PTBP2: variants seen among roughly 807,000 people sequenced by gnomAD.
PTBP2 encodes polypyrimidine tract-binding protein 2.
In PTBP2, 13 loss-of-function variants were observed where a neutral mutation model predicts 61.4. That is an observed-to-expected ratio of 0.21 (90% CI 0.14 to 0.34). PTBP2 has a LOEUF of 0.34. Ranked by LOEUF, PTBP2 falls within the 10% of genes least tolerant of loss-of-function variation. The probability of loss-of-function intolerance (pLI) is 1.00; values close to 1 mark genes in which losing one functional copy is unlikely to be tolerated. For synonymous variants in PTBP2, 215 were observed against 218.5 expected, an observed-to-expected ratio of 0.98 and a Z score of 0.14; for missense variants, 405 against 642.6, an observed-to-expected ratio of 0.63 and a Z score of 4.00.
At chr1:96,728,815 A>ATTGTT in intron 2 of PTBP2, among the ~76,000 whole-genome samples, 1 of 110,190 alleles carries the variant, frequency 9.1e-6, no homozygotes, top group African/African-American at 2.8e-5. Flanking sequence ...TTCTTTAAGC[A>ATTGTT]TTTTTTTTTT....
intron 6 of PTBP2, 37 bp downstream of exon 6, chr1:96,777,786 AAAT>A (rs770878244): frequency 2.0e-6 from 3 of 1,535,284 alleles, no homozygotes; most frequent in Non-Finnish European, 2.7e-6. Context: ...TAAATTAGAG[AAAT>A]AATAATATAG....
chr1:96,771,039 C>T (rs1011524978), intron 5 of PTBP2, 188 bp downstream of exon 5: 3 of 451,588 alleles, frequency 6.6e-6, no homozygotes, highest in African/African-American at 6.1e-5. Context: ...CCTTTAATCC[C>T]CTGGTCAAAT....
At chr1:96,756,960 C>T (rs1272235838) in intron 3 of PTBP2, among the ~76,000 whole-genome samples, 1 of 152,074 alleles carries the variant, frequency 6.6e-6, no homozygotes, top group African/African-American at 2.4e-5. Flanking sequence ...AGTGTAGGTT[C>T]ATCAGTTGTA....
At chr1:96,757,597 A>G (rs1016723462) in intron 3 of PTBP2, among the ~76,000 whole-genome samples, 7 of 152,178 alleles carry the variant, frequency 4.6e-5, no homozygotes, top group African/African-American at 1.7e-4. Context: ...ATGTTGGCTT[A>G]ACTCACATTT....
chr1:96,768,967 A>G (rs540467592), intron 3 of PTBP2, among the ~76,000 whole-genome samples: 1 of 152,142 alleles, frequency 6.6e-6, no homozygotes, highest in African/African-American at 2.4e-5. Context: ...TAAAATTATA[A>G]TCTTCCTAAT....
At chr1:96,767,108 AT>A (rs1021272136) in intron 3 of PTBP2, among the ~76,000 whole-genome samples, 6 of 152,102 alleles carry the variant, frequency 3.9e-5, no homozygotes, top group African/African-American at 1.2e-4. Context: ...TCTTTTCTAT[AT>A]TTTTTCCAAG....
At chr1:96,799,539 A>G (rs1404170523) in intron 8 of PTBP2, among the ~76,000 whole-genome samples, 1 of 151,866 alleles carries the variant, frequency 6.6e-6, no homozygotes, top group East Asian at 1.9e-4. Flanking sequence ...CTTGTGATAG[A>G]TCAAGTATTT....
chr1:96,809,551 C>T, intron 11 of PTBP2, among the ~76,000 whole-genome samples: 1 of 152,080 alleles, frequency 6.6e-6, no homozygotes, highest in East Asian at 1.9e-4. Flanking sequence ...CTTGCTCTGT[C>T]CCCCAGGGTG....
At chr1:96,770,898 G>C in intron 5 of PTBP2, 47 bp downstream of exon 5, 1 of 1,452,160 alleles carries the variant, frequency 6.9e-7, no homozygotes, top group East Asian at 2.3e-5. Context: ...AACATATTAT[G>C]AATCTCATAA....
chr1:96,753,246 T>C (rs1012699929), intron 3 of PTBP2, among the ~76,000 whole-genome samples: 3 of 152,126 alleles, frequency 2.0e-5, no homozygotes, highest in Admixed American at 6.5e-5. Context: ...CTCTGAAACA[T>C]TGGAGTTCTG....
chr1:96,740,640 A>T (rs1192783870), intron 2 of PTBP2, among the ~76,000 whole-genome samples: 10 of 152,170 alleles, frequency 6.6e-5, no homozygotes, highest in African/African-American at 2.4e-4. Context: ...TACCATTCCC[A>T]TAAATTTCTC....
chr1:96,775,979 G>T (rs1657991551), intron 5 of PTBP2, among the ~76,000 whole-genome samples: 1 of 151,988 alleles, frequency 6.6e-6, no homozygotes, highest in Admixed American at 6.5e-5. Flanking sequence ...ATATATGCTT[G>T]TAGATGTAGC....
chr1:96,766,449 C>T (rs1172891478), intron 3 of PTBP2, among the ~76,000 whole-genome samples: 1 of 151,614 alleles, frequency 6.6e-6, no homozygotes, highest in Non-Finnish European at 1.5e-5. Context: ...CTCTTTCATT[C>T]CCCCAGTAAA....
chr1:96,792,650 T>A (rs1277588370), intron 8 of PTBP2, among the ~76,000 whole-genome samples: 2 of 152,186 alleles, frequency 1.3e-5, no homozygotes, highest in Non-Finnish European at 2.9e-5. Flanking sequence ...GTATTTAGCC[T>A]GATTATCTTA....
chr1:96,775,186 A>C (rs760740445), intron 5 of PTBP2, among the ~76,000 whole-genome samples: 3 of 152,240 alleles, frequency 2.0e-5, no homozygotes, highest in Non-Finnish European at 4.4e-5. Flanking sequence ...TAAAATTAAA[A>C]GGATAGGTAA....
chr1:96,812,708 A>G lies in PTBP2; in HGVS notation c.1172-4A>G, dbSNP rs748055747. 4 of 1,553,252 alleles carry G rather than the reference A, an allele frequency of 2.6e-6. No homozygotes were observed. The highest frequency in any genetic ancestry group is 3.5e-6 in the Non-Finnish European group (4 of 1,128,502). On this transcript the variant is annotated splice_polypyrimidine_tract_variant and splice_region_variant and intron_variant, in intron 11 of 13. Transcript: ENST00000674951. Reference sequence around the variant, plus strand: ...TTGTTAATAGACATGCTTTCTTTTTATAGCCATGAATCATCTTAATGGACA... The same window carrying G: ...TTGTTAATAGACATGCTTTCTTTTTGTAGCCATGAATCATCTTAATGGACA...
intron 3 of PTBP2, among the ~76,000 whole-genome samples, chr1:96,766,350 C>T (rs1656699039): frequency 6.6e-6 from 1 of 152,142 alleles, no homozygotes; most frequent in Admixed American, 6.5e-5. Flanking sequence ...CTCATGCCTT[C>T]TTAACTGAAC....
chr1:96,788,687 GT>G (rs1477568465), intron 8 of PTBP2, among the ~76,000 whole-genome samples: 1 of 151,990 alleles, frequency 6.6e-6, no homozygotes, highest in Non-Finnish European at 1.5e-5. Flanking sequence ...GCTAAAATTT[GT>G]GGGGGGCTTC....
intron 7 of PTBP2, among the ~76,000 whole-genome samples, chr1:96,784,578 G>C (rs137995962): frequency 6.6e-4 from 101 of 152,148 alleles, no homozygotes; most frequent in African/African-American, 2.3e-3. Context: ...GCTATTATGT[G>C]TTAGGATAAT....
Sources: gnomAD v4.1 joint callset for allele counts (sites outside exome capture counted in the v4.1 genomes callset) on GRCh38, gnomAD v4.1.1 for gene constraint, MANE v1.5 for transcripts, NCBI Gene and HGNC (gene_info 2026-07-23, HGNC 2026-07-21) for gene names.